SH3RF3: variants seen among roughly 807,000 people sequenced by gnomAD.
The protein encoded by SH3RF3 is E3 ubiquitin-protein ligase SH3RF3.
SH3RF3 carries 29 observed loss-of-function variants against 66.3 expected under a neutral mutation model. The observed-to-expected ratio is 0.44, with a 90% CI of 0.33 to 0.60. The LOEUF (loss-of-function observed/expected upper bound fraction) is 0.60, where lower values mean the gene tolerates loss of function less well. SH3RF3 is among the 20% of genes least tolerant of loss of function. SH3RF3 has a pLI of 0.04. For missense variants in SH3RF3, 1,194 were observed against 1,190.9 expected, an observed-to-expected ratio of 1.00 and a Z score of -0.04; for synonymous variants, 583 against 532.0, an observed-to-expected ratio of 1.10 and a Z score of -1.32.
intron 1 of SH3RF3, among the ~76,000 whole-genome samples, chr2:109,342,133 T>C (rs561170852): frequency 4.6e-5 from 7 of 152,348 alleles, no homozygotes; most frequent in Non-Finnish European, 1.0e-4. Flanking sequence ...TGTCCATCTA[T>C]AACTCTGGGC....
chr2:109,288,549 G>T (rs1021613210), intron 1 of SH3RF3, among the ~76,000 whole-genome samples: 1 of 152,206 alleles, frequency 6.6e-6, no homozygotes, highest in Non-Finnish European at 1.5e-5. Flanking sequence ...TGTCATGTTG[G>T]TCTGGAGTCA....
chr2:109,488,716 A>C (rs1679046948), intron 8 of SH3RF3, among the ~76,000 whole-genome samples: 1 of 152,214 alleles, frequency 6.6e-6, no homozygotes, highest in Non-Finnish European at 1.5e-5. Flanking sequence ...AGACTCGGGA[A>C]ACACCACACT....
chr2:109,353,911 C>T (rs1574592901), intron 2 of SH3RF3, among the ~76,000 whole-genome samples: 1 of 152,146 alleles, frequency 6.6e-6, no homozygotes. Flanking sequence ...CCCTGCCTCC[C>T]TCTGGAGTTC....
At chr2:109,381,109 G>C (rs1039919434) in intron 3 of SH3RF3, among the ~76,000 whole-genome samples, 1 of 152,224 alleles carries the variant, frequency 6.6e-6, no homozygotes, top group Non-Finnish European at 1.5e-5. Flanking sequence ...GCAGAGCCTT[G>C]TCCTGGTCTG....
rs546479039 is a variant in SH3RF3 at position 109,385,054 on chromosome 2, G to T, written c.945+13373G>T. Among the ~76,000 whole-genome samples the T allele has an allele frequency of 4.6e-5, 7 of 152,270 alleles. No homozygotes were observed. In the South Asian group the frequency reaches 1.2e-3, roughly 27 times the overall value. On this transcript the variant is annotated intron_variant, in intron 3 of 9. Coordinates refer to ENST00000309415, the MANE Select transcript of SH3RF3 (RefSeq NM_001099289.3). ...CATGCCTGGCCCTGATCGTTGTCCCGGCATGCTGGCCTTCCTCTGTCCCTT... is the reference window on the plus strand; with the variant it reads ...CATGCCTGGCCCTGATCGTTGTCCCTGCATGCTGGCCTTCCTCTGTCCCTT...
intron 4 of SH3RF3, among the ~76,000 whole-genome samples, chr2:109,418,792 C>G (rs916786687): frequency 1.3e-5 from 2 of 152,196 alleles, no homozygotes; most frequent in Non-Finnish European, 2.9e-5. Flanking sequence ...AGGACACTGT[C>G]CTAGGGAAGG....
chr2:109,144,182 A>G (rs1677038968), intron 1 of SH3RF3, among the ~76,000 whole-genome samples: 1 of 152,262 alleles, frequency 6.6e-6, no homozygotes, highest in Non-Finnish European at 1.5e-5. Flanking sequence ...TGCTAAAAGA[A>G]TAGATTTTAA....
chr2:109,324,372 T>C lies in SH3RF3; in HGVS notation c.574-23302T>C, dbSNP rs748001185. On this transcript the variant is annotated intron_variant, in intron 1 of 9. Coordinates refer to ENST00000309415, the MANE Select transcript of SH3RF3 (RefSeq NM_001099289.3). ...AACCTTCTGAGGGGCTGCCAGGCAG[T>C]TGTTCCAAGTGGCTGCACCATTTTC... Among the ~76,000 whole-genome samples the C allele has an allele frequency of 2.0e-5, 3 of 152,298 alleles. No individual in the cohort carries two copies. In the East Asian group the frequency reaches 5.8e-4, roughly 29 times the overall value.
At chr2:109,427,588 G>A (rs929134218) in intron 5 of SH3RF3, among the ~76,000 whole-genome samples, 6 of 152,146 alleles carry the variant, frequency 3.9e-5, no homozygotes, top group Admixed American at 1.3e-4. Flanking sequence ...TTCACACTTC[G>A]GGAGTCCCTG....
chr2:109,131,743 A>G (rs929786815), intron 1 of SH3RF3, among the ~76,000 whole-genome samples: 1 of 152,238 alleles, frequency 6.6e-6, no homozygotes, highest in Non-Finnish European at 1.5e-5. Flanking sequence ...ATTTAGTATT[A>G]GCAGGAAATT....
chr2:109,206,052 C>A (rs903431077), intron 1 of SH3RF3, among the ~76,000 whole-genome samples: 4 of 152,162 alleles, frequency 2.6e-5, no homozygotes, highest in Non-Finnish European at 5.9e-5. Context: ...CCCTGAGATG[C>A]CTTTCCAGCC....
chr2:109,412,373 C>T (rs1019606538), intron 4 of SH3RF3, among the ~76,000 whole-genome samples: 2 of 152,236 alleles, frequency 1.3e-5, no homozygotes, highest in Non-Finnish European at 2.9e-5. Flanking sequence ...GTGGCCCCAG[C>T]GTGGCTCTGG....
intron 1 of SH3RF3, among the ~76,000 whole-genome samples, chr2:109,233,431 G>A (rs139013145): frequency 3.3e-5 from 5 of 152,176 alleles, no homozygotes; most frequent in Non-Finnish European, 5.9e-5. Flanking sequence ...CAGACACTTC[G>A]TGTCTTCCCT....
intron 9 of SH3RF3, among the ~76,000 whole-genome samples, chr2:109,500,125 G>A (rs1018655393): frequency 1.3e-5 from 2 of 152,182 alleles, no homozygotes; most frequent in African/African-American, 4.8e-5. Context: ...TTTGGCTGCC[G>A]TGAGGTTTCT....
At chr2:109,213,300 C>A (rs1444005906) in intron 1 of SH3RF3, among the ~76,000 whole-genome samples, 2 of 152,216 alleles carry the variant, frequency 1.3e-5, no homozygotes, top group African/African-American at 4.8e-5. Context: ...CTGGTGTGTC[C>A]ATAGCATAAG....
intron 4 of SH3RF3, among the ~76,000 whole-genome samples, chr2:109,414,738 A>G (rs1573232822): frequency 6.6e-6 from 1 of 152,146 alleles, no homozygotes; most frequent in African/African-American, 2.4e-5. Flanking sequence ...CGTGTCCAGC[A>G]CTGAGCCCAT....
chr2:109,454,938 ACT>A (rs1166017954), intron 8 of SH3RF3, among the ~76,000 whole-genome samples: 1 of 152,058 alleles, frequency 6.6e-6, no homozygotes, highest in East Asian at 1.9e-4. Context: ...AAAAAAGTTA[ACT>A]CTCTCTTTAT....
chr2:109,324,627 A>C lies in SH3RF3; in HGVS notation c.574-23047A>C, dbSNP rs574779546. ...AAGTGCTAATAAGCCCTTTGAAGAC[A>C]GTATTTGAAGAAGGCGAAGTTGATC... On this transcript the variant is annotated intron_variant, in intron 1 of 9. Transcript: ENST00000309415. 3.3e-5 allele frequency among the ~76,000 whole-genome samples: 5 copies of C among 152,340 alleles called. No homozygotes were observed. In the East Asian group the frequency reaches 9.6e-4, roughly 29 times the overall value.
intron 1 of SH3RF3, among the ~76,000 whole-genome samples, chr2:109,336,406 T>A (rs139744549): frequency 2.6e-5 from 4 of 152,338 alleles, no homozygotes; most frequent in Non-Finnish European, 5.9e-5. Context: ...CTCACTAGCA[T>A]GCAAAATACA....
Sources: gnomAD v4.1 joint callset for allele counts (sites outside exome capture counted in the v4.1 genomes callset) on GRCh38, gnomAD v4.1.1 for gene constraint, MANE v1.5 for transcripts, NCBI Gene and HGNC (gene_info 2026-07-23, HGNC 2026-07-21) for gene names.